The following GALNT13 variants were observed in gnomAD, a reference collection of about 807,000 sequenced individuals.
GALNT13 encodes the protein UDP-GalNAc:polypeptide N-acetylgalactosaminyltransferase 13.
Under a neutral mutation model 64.2 loss-of-function variants are expected in GALNT13, and 28 were observed. That is an observed-to-expected ratio of 0.44 (90% CI 0.32 to 0.60). GALNT13 has a LOEUF of 0.60. Ranked by LOEUF, GALNT13 falls within the 20% of genes least tolerant of loss-of-function variation. The pLI, the probability that GALNT13 is intolerant of heterozygous loss-of-function variation, is 0.05. For missense variants in GALNT13, 577 were observed against 669.8 expected (o/e 0.86, Z 1.53); for synonymous variants, 214 against 224.6 (o/e 0.95, Z 0.42).
At chr2:153,877,760 G>A (rs1036372749) in intron 1 of GALNT13, among the ~76,000 whole-genome samples, 6 of 152,108 alleles carry the variant, frequency 3.9e-5, no homozygotes, top group African/African-American at 1.4e-4. Flanking sequence ...ATGTAAAGGT[G>A]TATCCATTCC....
chr2:154,022,188 G>C (rs1268526354), intron 3 of GALNT13, among the ~76,000 whole-genome samples: 2 of 152,138 alleles, frequency 1.3e-5, no homozygotes, highest in Admixed American at 6.5e-5. Context: ...TCTCTGCCCA[G>C]CTTTGGTATC....
the GALNT13 span, among the ~76,000 whole-genome samples, chr2:153,719,993 C>A: frequency 2.0e-5 from 3 of 151,716 alleles, no homozygotes; most frequent in Admixed American, 2.0e-4. Context: ...TCTATAGGCT[C>A]CACCTCTGGG....
intron 3 of GALNT13, among the ~76,000 whole-genome samples, chr2:154,102,856 C>T (rs1015370687): frequency 4.6e-5 from 7 of 151,990 alleles, no homozygotes; most frequent in African/African-American, 1.7e-4. Flanking sequence ...AAGCTTGTTG[C>T]ATTGAATGCT....
intron 9 of GALNT13, among the ~76,000 whole-genome samples, chr2:154,394,951 C>A (rs541853261): frequency 6.6e-6 from 1 of 152,242 alleles, no homozygotes; most frequent in East Asian, 1.9e-4. Flanking sequence ...TTGAGTGTTG[C>A]TGCTTTGGAA....
chr2:153,992,474 A>T (rs1352907278), intron 3 of GALNT13, among the ~76,000 whole-genome samples: 1 of 152,198 alleles, frequency 6.6e-6, no homozygotes, highest in African/African-American at 2.4e-5. Flanking sequence ...AAAATGGAAC[A>T]GGACCGAGTA....
At chr2:153,793,444 A>G in the GALNT13 span, among the ~76,000 whole-genome samples, 1 of 152,120 alleles carries the variant, frequency 6.6e-6, no homozygotes, top group African/African-American at 2.4e-5. Context: ...AATATTAGGT[A>G]CTCTAAAACT....
intron 11 of GALNT13, among the ~76,000 whole-genome samples, chr2:154,425,031 C>T (rs940336861): frequency 9.2e-5 from 14 of 152,078 alleles, no homozygotes; most frequent in African/African-American, 2.7e-4. Flanking sequence ...ATATTGTGTC[C>T]GGTGAAGAGT....
intron 3 of GALNT13, among the ~76,000 whole-genome samples, chr2:154,113,389 C>T (rs1218519932): frequency 2.6e-5 from 4 of 152,348 alleles, no homozygotes; most frequent in Non-Finnish European, 4.4e-5. Flanking sequence ...GGCAGCCTTT[C>T]GGGTCACTTG....
chr2:153,645,990 A>G, the GALNT13 span, among the ~76,000 whole-genome samples: 1 of 152,102 alleles, frequency 6.6e-6, no homozygotes, highest in Non-Finnish European at 1.5e-5. Context: ...TGCTTACATG[A>G]TCTCACTTGA....
At chr2:153,975,636 A>G (rs1254604224) in intron 3 of GALNT13, among the ~76,000 whole-genome samples, 2 of 152,174 alleles carry the variant, frequency 1.3e-5, no homozygotes, top group Non-Finnish European at 2.9e-5. Context: ...AAAAATAACA[A>G]TTCTTCTTAA....
chr2:153,623,593 A>G, the GALNT13 span, among the ~76,000 whole-genome samples: 1 of 152,170 alleles, frequency 6.6e-6, no homozygotes, highest in African/African-American at 2.4e-5. Flanking sequence ...TTTAAAATAC[A>G]ATAAAAATGG....
At chr2:153,924,170 C>T (rs909155483) in intron 2 of GALNT13, among the ~76,000 whole-genome samples, 9 of 151,884 alleles carry the variant, frequency 5.9e-5, no homozygotes, top group African/African-American at 7.3e-5. Flanking sequence ...TGTATTAAGC[C>T]GAGCATCCAT....
At chr2:153,309,209 C>T in the GALNT13 span, among the ~76,000 whole-genome samples, 1 of 151,956 alleles carries the variant, frequency 6.6e-6, no homozygotes, top group African/African-American at 2.4e-5. Flanking sequence ...AAAAATAAAC[C>T]CCAAAACCAA....
the GALNT13 span, among the ~76,000 whole-genome samples, chr2:153,730,832 A>G: frequency 6.6e-6 from 1 of 152,046 alleles, no homozygotes; most frequent in Admixed American, 6.6e-5. Flanking sequence ...AATTAAAACC[A>G]CAGTGAGATA....
chr2:154,390,645 T>C (rs1698745971), intron 9 of GALNT13, among the ~76,000 whole-genome samples: 1 of 152,176 alleles, frequency 6.6e-6, no homozygotes, highest in African/African-American at 2.4e-5. Context: ...GACATTTAGC[T>C]GGATTCCATG....
intron 2 of GALNT13, among the ~76,000 whole-genome samples, chr2:153,923,381 T>C (rs1689887227): frequency 6.6e-6 from 1 of 152,202 alleles, no homozygotes; most frequent in South Asian, 2.1e-4. Context: ...TAGAACCAAT[T>C]ACATTCGTTA....
the GALNT13 span, among the ~76,000 whole-genome samples, chr2:153,179,949 G>C: frequency 1.3e-5 from 2 of 152,012 alleles, no homozygotes; most frequent in African/African-American, 4.8e-5. Flanking sequence ...GAGTTTTCTA[G>C]ATATAAGATT....
chr2:153,446,676 T>C, the GALNT13 span: 15 of 152,230 alleles, frequency 9.9e-5, no homozygotes, highest in African/African-American at 3.6e-4. Flanking sequence ...AGGGACTACA[T>C]TGATTTTTTA....
chr2:154,126,532 G>A (rs750732729), intron 3 of GALNT13, among the ~76,000 whole-genome samples: 27 of 152,104 alleles, frequency 1.8e-4, no homozygotes, highest in Non-Finnish European at 3.7e-4. Context: ...CCACCAGGGA[G>A]GCTGAGGCAG....
Sources: gnomAD v4.1 joint callset for allele counts (sites outside exome capture counted in the v4.1 genomes callset) on GRCh38, gnomAD v4.1.1 for gene constraint, MANE v1.5 for transcripts, NCBI Gene and HGNC (gene_info 2026-07-23, HGNC 2026-07-21) for gene names.